DISC1: variants seen among roughly 807,000 people sequenced by gnomAD.
DISC1 encodes the protein DISC1 scaffold protein, also known as disrupted in schizophrenia 1 protein.
DISC1 carries 57 observed loss-of-function variants against 84.5 expected under a neutral mutation model. That is an observed-to-expected ratio of 0.67 (90% CI 0.55 to 0.84). The LOEUF is 0.84. Ranked by LOEUF, DISC1 falls within the 40% of genes least tolerant of loss-of-function variation. The pLI is 0.00. For synonymous variants in DISC1, 411 were observed against 415.2 expected, an observed-to-expected ratio of 0.99 and a Z score of 0.12; for missense variants, 1,000 against 1,057.8, an observed-to-expected ratio of 0.95 and a Z score of 0.76.
intron 6 of DISC1, chr1:231,771,436 A>G (rs1056286815): frequency 3.0e-6 from 3 of 985,422 alleles, no homozygotes; most frequent in Non-Finnish European, 3.6e-6. Flanking sequence ...TGGATGAACT[A>G]TGCCTCTCAC....
At chr1:231,643,204 C>G (rs2059867435) in intron 1 of DISC1, among the ~76,000 whole-genome samples, 5 of 152,130 alleles carry the variant, frequency 3.3e-5, no homozygotes, top group Non-Finnish European at 7.4e-5. Flanking sequence ...TTCCCTGGAA[C>G]CCCGAAAGAG....
chr1:231,797,977 A>G (rs1180938574), intron 7 of DISC1, among the ~76,000 whole-genome samples: 2 of 151,964 alleles, frequency 1.3e-5, no homozygotes, highest in Non-Finnish European at 1.5e-5. Flanking sequence ...ATATTAGTCC[A>G]CAGAGAATTA....
intron 1 of DISC1, among the ~76,000 whole-genome samples, chr1:231,628,847 T>G (rs1179750012): frequency 6.6e-6 from 1 of 152,174 alleles, no homozygotes; most frequent in Non-Finnish European, 1.5e-5. Context: ...GCTCAAGAGA[T>G]CCTCCTGTTC....
intron 9 of DISC1, chr1:231,819,015 G>A: frequency 2.0e-6 from 2 of 994,662 alleles, no homozygotes; most frequent in Non-Finnish European, 2.4e-6. Flanking sequence ...CTTAGCCAAA[G>A]TGTCTGCTTG....
Position 231,693,940 on chromosome 1 carries a change from T to G in DISC1, c.182T>G (p.Val61Gly). The stretch of plus-strand genomic sequence containing the variant: ...GGGATCGGGTTCCTTTCCCCAGCAG[T>G]GGGCACACTGTTCCGGTTCCCAGGA... ...GPGIGFLSPAVGTLFRFPGGV... is the reference protein window; with the variant it reads ...GPGIGFLSPAGGTLFRFPGGV... The change falls in exon 2 of 13, where the codon GTG becomes GGG. Residue 61 changes from valine (V) to glycine (G), a missense_variant. Coordinates refer to ENST00000439617, the MANE Select transcript of DISC1 (RefSeq NM_018662.3). 2.5e-6 allele frequency: 4 copies of G among 1,614,096 alleles called. No individual in the cohort carries two copies. The highest frequency in any genetic ancestry group is 3.4e-6 in the Non-Finnish European group (4 of 1,180,006).
chr1:231,872,096 G>A (rs758639491), intron 9 of DISC1, among the ~76,000 whole-genome samples: 3 of 152,210 alleles, frequency 2.0e-5, no homozygotes, highest in Non-Finnish European at 2.9e-5. Context: ...GGTGAACAGC[G>A]TGAAGACAGC....
intron 1 of DISC1, among the ~76,000 whole-genome samples, chr1:231,693,565 A>G (rs139839538): frequency 1.3e-5 from 2 of 152,338 alleles, no homozygotes; most frequent in East Asian, 3.9e-4. Context: ...ACCTGTTGGC[A>G]TAGCGTACAG....
Position 231,798,994 on chromosome 1 carries a change from C to T in DISC1, c.1690-1114C>T, listed in dbSNP as rs1188404446. ...GGAAATTAAATTTTTCTAGGTAGCT[C>T]ATTAATCTGAGTCTAGATAACATTG... On this transcript the variant is annotated intron_variant, in intron 7 of 12. Coordinates refer to ENST00000439617, the MANE Select transcript of DISC1 (RefSeq NM_018662.3). Among the ~76,000 whole-genome samples the T allele has an allele frequency of 4.6e-5, 7 of 151,860 alleles. No homozygotes were observed. The East Asian group carries it at 1.4e-3, about 29-fold the overall frequency.
At chr1:231,908,484 G>T (rs1203859934) in intron 9 of DISC1, among the ~76,000 whole-genome samples, 1 of 152,166 alleles carries the variant, frequency 6.6e-6, no homozygotes, top group East Asian at 1.9e-4. Flanking sequence ...TCAGATGGTT[G>T]TAGATGTGTG....
intron 9 of DISC1, among the ~76,000 whole-genome samples, chr1:231,902,723 C>T (rs758289967): frequency 2.0e-5 from 3 of 152,138 alleles, no homozygotes; most frequent in African/African-American, 7.2e-5. Flanking sequence ...GTTGTTAGAG[C>T]GGTCCTAGCT....
At chr1:231,686,165 G>A (rs543317866) in intron 1 of DISC1, among the ~76,000 whole-genome samples, 1 of 152,296 alleles carries the variant, frequency 6.6e-6, no homozygotes, top group African/African-American at 2.4e-5. Context: ...AGCTGTAGGT[G>A]GATCTACCAT....
chr1:231,990,846 A>G (rs774791154), intron 10 of DISC1, among the ~76,000 whole-genome samples: 1 of 152,168 alleles, frequency 6.6e-6, no homozygotes, highest in Non-Finnish European at 1.5e-5. Flanking sequence ...ACTTTGTCAT[A>G]GACGTCTCCT....
chr1:232,002,341 A>G (rs1666796154), intron 10 of DISC1, among the ~76,000 whole-genome samples: 1 of 152,228 alleles, frequency 6.6e-6, no homozygotes, highest in African/African-American at 2.4e-5. Context: ...TAAACATGTA[A>G]CTATGATACA....
At chr1:231,781,552 C>T (rs141836354) in intron 6 of DISC1, among the ~76,000 whole-genome samples, 229 of 152,304 alleles carry the variant, frequency 1.5e-3, no homozygotes, top group African/African-American at 5.2e-3. Context: ...AGTCAACTCT[C>T]ACAAACATGA....
chr1:231,853,146 T>C (rs16855280), intron 9 of DISC1, among the ~76,000 whole-genome samples: 1 of 152,212 alleles, frequency 6.6e-6, no homozygotes, highest in Non-Finnish European at 1.5e-5. Context: ...GATATTTGCC[T>C]TTAGCATTCT....
intron 9 of DISC1, among the ~76,000 whole-genome samples, chr1:231,923,062 G>C (rs1326908698): frequency 1.3e-5 from 2 of 152,060 alleles, no homozygotes; most frequent in Non-Finnish European, 2.9e-5. Context: ...CAGATCATGA[G>C]GTCAGGACAT....
intron 11 of DISC1, among the ~76,000 whole-genome samples, chr1:232,015,509 A>G (rs1668409012): frequency 6.6e-6 from 1 of 151,964 alleles, no homozygotes; most frequent in Non-Finnish European, 1.5e-5. Context: ...AGTAGCTGAG[A>G]ATTTTTGTAA....
intron 3 of DISC1, among the ~76,000 whole-genome samples, chr1:231,744,489 T>A (rs1267725018): frequency 6.6e-6 from 1 of 152,256 alleles, no homozygotes; most frequent in Non-Finnish European, 1.5e-5. Context: ...TTATTTAAAA[T>A]TTTTTAACAG....
At chr1:232,021,811 G>C (rs866348426) in intron 11 of DISC1, among the ~76,000 whole-genome samples, 29 of 152,202 alleles carry the variant, frequency 1.9e-4, no homozygotes, top group African/African-American at 6.0e-4. Context: ...ACAGTGAGGA[G>C]GGTGTCTCTG....
Sources: gnomAD v4.1 joint callset for allele counts (sites outside exome capture counted in the v4.1 genomes callset) on GRCh38, gnomAD v4.1.1 for gene constraint, MANE v1.5 for transcripts, NCBI Gene and HGNC (gene_info 2026-07-23, HGNC 2026-07-21) for gene names.